Variants in ADARB1 observed in about 807,000 individuals in gnomAD.
The protein encoded by ADARB1 is double-stranded RNA-specific editase 1.
A neutral mutation model predicts 52.4 loss-of-function variants in ADARB1; 10 were observed. That is an observed-to-expected ratio of 0.19 (90% confidence interval 0.12 to 0.32). The LOEUF is 0.32. Among genes scored for constraint, ADARB1 ranks in the 10% least tolerant of loss-of-function variants. The pLI is 1.00. For synonymous variants in ADARB1, 349 were observed against 371.1 expected, an observed-to-expected ratio of 0.94 and a Z score of 0.68; for missense variants, 643 against 922.3, an observed-to-expected ratio of 0.70 and a Z score of 3.92.
intron 1 of ADARB1, among the ~76,000 whole-genome samples, chr21:45,092,058 G>C (rs1240587799): frequency 6.6e-6 from 1 of 152,188 alleles, no homozygotes; most frequent in Non-Finnish European, 1.5e-5. Context: ...TCCTAGAGGA[G>C]GGTGTAGAGG....
intron 1 of ADARB1, among the ~76,000 whole-genome samples, chr21:45,120,378 A>G (rs949362879): frequency 6.6e-6 from 1 of 152,216 alleles, no homozygotes; most frequent in African/African-American, 2.4e-5. Context: ...ATCATTTCAT[A>G]TATGATTTCA....
At chr21:45,166,243 G>A (rs189113965) in intron 2 of ADARB1, among the ~76,000 whole-genome samples, 1 of 152,172 alleles carries the variant, frequency 6.6e-6, no homozygotes, top group East Asian at 1.9e-4. Context: ...CTATAAAAAG[G>A]TATAAAGAAT....
intron 2 of ADARB1, among the ~76,000 whole-genome samples, chr21:45,130,484 C>T (rs1387429985): frequency 2.0e-5 from 3 of 152,288 alleles, no homozygotes; most frequent in African/African-American, 7.2e-5. Flanking sequence ...ATGCTAGCTG[C>T]GAATAGAAAT....
In ADARB1 at chr21:45,222,403, G is replaced by C; in HGVS notation, c.*206G>C. On this transcript the variant is annotated 3_prime_UTR_variant, in exon 11 of 11. Coordinates refer to ENST00000348831, the MANE Select transcript of ADARB1 (RefSeq NM_001112.4). ...TGTGGGGAGGGGATGGGGTGCGTCA[G>C]GGCCCAGCATCGCCGCCTGGCATCT... 1 of 1,307,980 alleles carries C rather than the reference G, an allele frequency of 7.6e-7. No individual in the cohort carries two copies. Among genetic ancestry groups the C allele is most frequent in the Non-Finnish European group, 9.7e-7 (1 of 1,034,122 alleles). The allele number at this position is 1,307,980 out of a possible 1,614,324, so 81.0% of individuals were successfully genotyped here.
chr21:45,223,656 G>C lies in ADARB1; in HGVS notation c.*1459G>C, dbSNP rs775334899. Reference sequence around the variant, plus strand: ...TACACCTGCCACAGCGAAATCCAGGGTGTTGGCACCTGTGTGTCCGTGATG... The same window carrying C: ...TACACCTGCCACAGCGAAATCCAGGCTGTTGGCACCTGTGTGTCCGTGATG... On this transcript the variant is annotated 3_prime_UTR_variant, in exon 11 of 11. Transcript: ENST00000348831. 1.2e-5 allele frequency: 12 copies of C among 985,526 alleles called. No individual in the cohort carries two copies. The highest frequency in any genetic ancestry group is 1.3e-5 in the Non-Finnish European group (11 of 830,132). 61.0% of individuals were successfully genotyped at this position (985,526 alleles called of 1,614,324 possible). A position where few individuals can be genotyped will look rare whatever the true frequency, so the allele number is the denominator to read the frequency against.
At chr21:45,155,782 CCCA>C (rs2090537033) in intron 2 of ADARB1, among the ~76,000 whole-genome samples, 1 of 15,346 alleles carries the variant, frequency 6.5e-5, no homozygotes, top group Non-Finnish European at 1.2e-4. Context: ...CATCCATCCA[CCCA>C]CCCACCCACC....
chr21:45,215,689 T>C (rs2092849143), intron 9 of ADARB1, among the ~76,000 whole-genome samples: 1 of 152,244 alleles, frequency 6.6e-6, no homozygotes, highest in African/African-American at 2.4e-5. Flanking sequence ...CTTTGCATCT[T>C]GGGATAAACG....
intron 8 of ADARB1, among the ~76,000 whole-genome samples, chr21:45,197,408 G>A: frequency 6.6e-6 from 1 of 151,272 alleles, no homozygotes; most frequent in East Asian, 2.0e-4. Context: ...GCTGAGGCAG[G>A]AGTATCGCTT....
chr21:45,079,905 T>C (rs2086087712), intron 1 of ADARB1, among the ~76,000 whole-genome samples: 1 of 152,054 alleles, frequency 6.6e-6, no homozygotes, highest in Non-Finnish European at 1.5e-5. Flanking sequence ...GAGCAGGAGA[T>C]GAGGAATGGC....
intron 9 of ADARB1, among the ~76,000 whole-genome samples, chr21:45,218,431 ATGTC>A (rs1243605100): frequency 1.3e-5 from 2 of 152,176 alleles, no homozygotes; most frequent in Non-Finnish European, 2.9e-5. Flanking sequence ...CTATATGTGA[ATGTC>A]AGGCACTTTT....
intron 2 of ADARB1, among the ~76,000 whole-genome samples, chr21:45,133,939 G>C (rs1243180441): frequency 9.6e-6 from 1 of 104,408 alleles, no homozygotes; most frequent in African/African-American, 3.8e-5. Context: ...GCCCGACGGG[G>C]GTGTGTGCCC....
intron 8 of ADARB1, among the ~76,000 whole-genome samples, chr21:45,195,620 T>TC (rs2146293392): frequency 6.6e-6 from 1 of 152,218 alleles, no homozygotes; most frequent in East Asian, 1.9e-4. Context: ...TTTTTTTTTT[T>TC]CTGCATGTTT....
At chr21:45,182,465 A>G (rs1330695580) in intron 5 of ADARB1, 120 bp from the exon 6 acceptor site, 4 of 1,090,910 alleles carry the variant, frequency 3.7e-6, no homozygotes, top group African/African-American at 1.6e-5. Context: ...GATGAGCTTG[A>G]AAAGTCTGTT....
At chr21:45,198,589 G>C (rs1260636653) in intron 8 of ADARB1, among the ~76,000 whole-genome samples, 1 of 152,082 alleles carries the variant, frequency 6.6e-6, no homozygotes, top group East Asian at 1.9e-4. Flanking sequence ...GAGGGGAAGT[G>C]GTTGGCCCAG....
intron 2 of ADARB1, among the ~76,000 whole-genome samples, chr21:45,155,886 C>T (rs1338410064): frequency 8.6e-6 from 1 of 115,652 alleles, no homozygotes; most frequent in Non-Finnish European, 1.8e-5. Flanking sequence ...TCCACCCACC[C>T]ACCCTCATCA....
In ADARB1 at chr21:45,222,407, C is replaced by G. The variant is rs756407314; in HGVS notation, c.*210C>G. On this transcript the variant is annotated 3_prime_UTR_variant, in exon 11 of 11. Coordinates refer to ENST00000348831, the MANE Select transcript of ADARB1 (RefSeq NM_001112.4). The stretch of plus-strand genomic sequence containing the variant: ...GGGAGGGGATGGGGTGCGTCAGGGC[C>G]CAGCATCGCCGCCTGGCATCTCTCT... 3 of 1,299,286 alleles carry G rather than the reference C, an allele frequency of 2.3e-6. No individual in the cohort carries two copies. The highest frequency in any genetic ancestry group is 2.9e-6 in the Non-Finnish European group (3 of 1,029,038). 80.5% of individuals were successfully genotyped at this position (1,299,286 alleles called of 1,614,324 possible).
At chr21:45,075,125 G>GGGACC (rs1454288350) in intron 1 of ADARB1, among the ~76,000 whole-genome samples, 1 of 151,360 alleles carries the variant, frequency 6.6e-6, no homozygotes, top group Admixed American at 6.6e-5. Context: ...CTGCGCCCTG[G>GGGACC]GGACCGAGAC....
In ADARB1 at chr21:45,204,775, TG is replaced by T; in HGVS notation, c.1747+40del. The T allele has an allele frequency of 6.3e-7, 1 of 1,596,184 alleles. No individual in the cohort carries two copies. The highest frequency in any genetic ancestry group is 8.6e-7 in the Non-Finnish European group (1 of 1,167,900). ...GAGTGTGCTGATTTAATCTCTGTCT[TG>T]ATTTTGCAATGTTTTCATCCTCATG... On this transcript the variant is annotated intron_variant, in intron 9 of 10. Transcript: ENST00000348831. The surrounding 1 kb of genome is among the most constrained non-coding windows in gnomAD (Gnocchi z 4.4).
chr21:45,109,367 C>T (rs1234046537), intron 1 of ADARB1, among the ~76,000 whole-genome samples: 4 of 152,222 alleles, frequency 2.6e-5, no homozygotes, highest in African/African-American at 9.6e-5. Context: ...AGTCCTGTGG[C>T]ACCACCGAGT....
Sources: gnomAD v4.1 joint callset for allele counts (sites outside exome capture counted in the v4.1 genomes callset) on GRCh38, gnomAD v4.1.1 for gene constraint, Gnocchi (gnomAD v3.1) non-coding constraint, MANE v1.5 for transcripts, NCBI Gene and HGNC (gene_info 2026-07-23, HGNC 2026-07-21) for gene names.